ALDH1A3: variants seen among roughly 807,000 people sequenced by gnomAD.
ALDH1A3 encodes retinaldehyde dehydrogenase 3.
Under a neutral mutation model 57.5 loss-of-function variants are expected in ALDH1A3, and 28 were observed. The ratio of observed to expected loss-of-function variants is 0.49; its 90% CI spans 0.36 to 0.67. The LOEUF (loss-of-function observed/expected upper bound fraction) is 0.67, where lower values mean the gene tolerates loss of function less well. Ranked by LOEUF, ALDH1A3 falls within the 30% of genes least tolerant of loss-of-function variation. The pLI, the probability that ALDH1A3 is intolerant of heterozygous loss-of-function variation, is 0.00. For missense variants in ALDH1A3, 507 were observed against 669.4 expected, an observed-to-expected ratio of 0.76 and a Z score of 2.68; for synonymous variants, 281 against 264.8, an observed-to-expected ratio of 1.06 and a Z score of -0.59.
At chr15:100,909,404 C>T (rs1031447098) in intron 12 of ALDH1A3, among the ~76,000 whole-genome samples, 7 of 151,212 alleles carry the variant, frequency 4.6e-5, no homozygotes, top group Non-Finnish European at 1.0e-4. Context: ...GTGTGCAAAC[C>T]CACTGGAAAC....
intron 1 of ALDH1A3, 22 bp from the exon 2 acceptor site, chr15:100,885,245 T>C (rs757993651): frequency 6.5e-7 from 1 of 1,541,898 alleles, no homozygotes; most frequent in Non-Finnish European, 9.0e-7. Context: ...ACCTAATTGG[T>C]TACACTTCCT....
chr15:100,880,170 C>CG, intron 1 of ALDH1A3, 164 bp downstream of exon 1: 1 of 425,096 alleles, frequency 2.4e-6, no homozygotes, highest in Non-Finnish European at 4.0e-6. Context: ...GCACCTTTCG[C>CG]GGGACGTCTC....
Position 100,914,977 on chromosome 15 carries a change from A to G in ALDH1A3, c.*204A>G. On this transcript the variant is annotated 3_prime_UTR_variant, in exon 13 of 13. Transcript: ENST00000329841. Reference sequence around the variant, plus strand: ...GGGATGCCTATAGGTTGTCTGTGAAATCGCAGTCCTGCCTGGGGAGGGAGC... The same window carrying G: ...GGGATGCCTATAGGTTGTCTGTGAAGTCGCAGTCCTGCCTGGGGAGGGAGC... 1.7e-6 allele frequency: 1 copy of G among 576,368 alleles called. No homozygotes were observed. Among genetic ancestry groups the G allele is most frequent in the South Asian group, 2.1e-5 (1 of 47,054 alleles). The allele number at this position is 576,368 out of a possible 1,614,324, so 35.7% of individuals were successfully genotyped here. A position where few individuals can be genotyped will look rare whatever the true frequency, so the allele number is the denominator to read the frequency against.
intron 9 of ALDH1A3, among the ~76,000 whole-genome samples, chr15:100,901,776 C>T (rs142525651): frequency 1.3e-5 from 2 of 152,300 alleles, no homozygotes; most frequent in East Asian, 3.9e-4. Flanking sequence ...AGTGTCTGTG[C>T]ATGACATCAG....
chr15:100,897,655 C>A (rs962054880), intron 7 of ALDH1A3, among the ~76,000 whole-genome samples: 5 of 152,374 alleles, frequency 3.3e-5, no homozygotes, highest in Non-Finnish European at 7.3e-5. Context: ...ACAGAACCAC[C>A]CCCCTACTGG....
chr15:100,883,773 G>C (rs917154732), intron 1 of ALDH1A3, among the ~76,000 whole-genome samples: 5 of 152,060 alleles, frequency 3.3e-5, no homozygotes, highest in Non-Finnish European at 7.4e-5. Flanking sequence ...CCATCACCCA[G>C]GTATTAAGCC....
intron 2 of ALDH1A3, among the ~76,000 whole-genome samples, chr15:100,886,652 G>A (rs367816717): frequency 1.3e-5 from 2 of 152,140 alleles, no homozygotes; most frequent in African/African-American, 4.8e-5. Flanking sequence ...AGGGGCCTTC[G>A]AGATGAATGT....
chr15:100,885,394 C>A, intron 2 of ALDH1A3, 23 bp downstream of exon 2: 1 of 1,538,962 alleles, frequency 6.5e-7, no homozygotes, highest in Non-Finnish European at 9.0e-7. Flanking sequence ...AATAAATTTG[C>A]TCTAAGTAAT....
intron 11 of ALDH1A3, 41 bp from the exon 12 acceptor site, chr15:100,908,367 C>A: frequency 6.4e-7 from 1 of 1,569,326 alleles, no homozygotes; most frequent in South Asian, 1.1e-5. Flanking sequence ...GCCAGGGGGT[C>A]TTCTCCAGAT....
Position 100,905,673 on chromosome 15 carries a change from A to T in ALDH1A3, c.1219A>T (p.Ile407Phe). 1 of 1,585,170 alleles carries T rather than the reference A, an allele frequency of 6.3e-7. No homozygotes were observed. The highest frequency in any genetic ancestry group is 8.6e-7 in the Non-Finnish European group (1 of 1,165,312). Residue 407 changes from isoleucine (I) to phenylalanine (F), a missense_variant, in exon 10 of 13, where the codon ATT becomes TTT. Ile to Phe is a conservative substitution (Grantham distance 21, BLOSUM62 0). This residue lies in a region of ALDH1A3 where 432 missense variants were observed against 608.4 expected (regional missense o/e 0.71). Transcript: ENST00000329841. ...VFSEVTDNMR[I>F]AKEEIFGPVQ... ...CTCAGAAGTCACAGACAACATGCGG[A>T]TTGCCAAAGAGGAGGTACAAGGGGG... is the stretch of plus-strand genomic sequence containing the variant.
At chr15:100,892,743 C>T in intron 4 of ALDH1A3, 104 bp downstream of exon 4, 11 of 1,468,164 alleles carry the variant, frequency 7.5e-6, no homozygotes, top group Non-Finnish European at 1.0e-5. Flanking sequence ...CCATTCCCAA[C>T]CCCACTCCCT....
chr15:100,893,641 T>TCTC lies in ALDH1A3; in HGVS notation c.538-313_538-312insCTC. On this transcript the variant is annotated intron_variant, in intron 5 of 12. Transcript: ENST00000329841. This position sits in a 1 kb window ranked among gnomAD's most constrained non-coding sequence, Gnocchi z 4.8. ...GAAGCTGAAGAGCCAGGTGGCAACA[T>TCTC]GAAGTGAGGGTTCAAAAAGTGCCCA... The TCTC allele has an allele frequency of 8.0e-6, 2 of 250,608 alleles. No individual in the cohort carries two copies. The highest frequency in any genetic ancestry group is 1.5e-5 in the Non-Finnish European group (2 of 130,440). 15.5% of individuals were successfully genotyped at this position (250,608 alleles called of 1,614,324 possible).
Position 100,893,082 on chromosome 15 carries a change from C to G in ALDH1A3, c.537+76C>G. The stretch of plus-strand genomic sequence containing the variant: ...GCCCTGTGTCCTTTGGAATCAATTT[C>G]TGGTGTGTTTTTATCTGATTGCACC... On this transcript the variant is annotated intron_variant, in intron 5 of 12. Coordinates refer to ENST00000329841, the MANE Select transcript of ALDH1A3 (RefSeq NM_000693.4). This position sits in a 1 kb window ranked among gnomAD's most constrained non-coding sequence, Gnocchi z 4.8. 2 of 1,389,690 alleles carry G rather than the reference C, an allele frequency of 1.4e-6. No homozygotes were observed. Among genetic ancestry groups the G allele is most frequent in the Non-Finnish European group, 2.0e-6 (2 of 1,002,446 alleles). 86.1% of individuals were successfully genotyped at this position (1,389,690 alleles called of 1,614,324 possible). A position where few individuals can be genotyped will look rare whatever the true frequency, so the allele number is the denominator to read the frequency against.
At chr15:100,899,305 G>A (rs1341813822) in intron 8 of ALDH1A3, among the ~76,000 whole-genome samples, 2 of 152,182 alleles carry the variant, frequency 1.3e-5, no homozygotes, top group Non-Finnish European at 2.9e-5. Flanking sequence ...ACTCACATTT[G>A]GAGTCCCAAA....
At chr15:100,899,412 G>A (rs1233687541) in intron 8 of ALDH1A3, among the ~76,000 whole-genome samples, 1 of 152,210 alleles carries the variant, frequency 6.6e-6, no homozygotes, top group Non-Finnish European at 1.5e-5. Flanking sequence ...GAAAACTGCA[G>A]CTAAAGCACA....
chr15:100,891,506 C>A lies in ALDH1A3; in HGVS notation c.346-1004C>A, dbSNP rs375472321. Reference sequence around the variant, plus strand: ...TGCCCCCAATTCAGCTGCTGCATTACTGGGTGGCCTTGGCCAAGTCACTGG... The same window carrying A: ...TGCCCCCAATTCAGCTGCTGCATTAATGGGTGGCCTTGGCCAAGTCACTGG... On this transcript the variant is annotated intron_variant, in intron 3 of 12. Transcript: ENST00000329841. Among the ~76,000 whole-genome samples, 8 of 152,396 alleles carry A rather than the reference C, an allele frequency of 5.2e-5. No individual in the cohort carries two copies. The East Asian group carries it at 7.7e-4, about 15-fold the overall frequency.
chr15:100,896,097 A>T (rs1277852325), intron 7 of ALDH1A3, 51 bp downstream of exon 7: 1 of 1,411,274 alleles, frequency 7.1e-7, no homozygotes, highest in Admixed American at 1.9e-5. Flanking sequence ...GTGTTATTTG[A>T]CACCCGTGAG....
chr15:100,888,574 C>A (rs1014075659), intron 3 of ALDH1A3: 1 of 152,152 alleles, frequency 6.6e-6, no homozygotes, highest in Non-Finnish European at 1.5e-5. Context: ...TCCTCAGTCA[C>A]CCCTGAACTG....
intron 1 of ALDH1A3, chr15:100,880,267 C>G (rs1180243211): frequency 7.8e-6 from 3 of 386,630 alleles, no homozygotes; most frequent in Non-Finnish European, 9.2e-6. Flanking sequence ...GGGGCCGGGC[C>G]GCCCGCATCC....
Sources: allele counts gnomAD v4.1 joint callset (sites outside exome capture counted in the v4.1 genomes callset), GRCh38; gene constraint gnomAD v4.1.1; regional missense constraint gnomAD v4.1.1; non-coding constraint Gnocchi (gnomAD v3.1); transcripts MANE v1.5; gene names NCBI Gene and HGNC (gene_info 2026-07-23, HGNC 2026-07-21).